TENM2: variants seen among roughly 807,000 people sequenced by gnomAD.
TENM2 encodes the protein teneurin-2.
In TENM2, 52 loss-of-function variants were observed where a neutral mutation model predicts 245.2. The observed-to-expected ratio is 0.21, with a 90% CI of 0.17 to 0.27. The LOEUF is 0.27. TENM2 is among the 10% of genes least tolerant of loss of function. The pLI is 1.00. For missense variants in TENM2, 3,046 were observed against 3,666.8 expected, an observed-to-expected ratio of 0.83 and a Z score of 4.37; for synonymous variants, 1,363 against 1,438.9, an observed-to-expected ratio of 0.95 and a Z score of 1.19.
chr5:168,109,813 C>T (rs1330449019), intron 9 of TENM2, among the ~76,000 whole-genome samples: 1 of 152,146 alleles, frequency 6.6e-6, no homozygotes, highest in Non-Finnish European at 1.5e-5. Flanking sequence ...ACCTCTCATC[C>T]CCCTAGCTTG....
chr5:167,196,417 T>C, the TENM2 span, among the ~76,000 whole-genome samples: 14 of 151,640 alleles, frequency 9.2e-5, no homozygotes, highest in Non-Finnish European at 1.6e-4. Flanking sequence ...AGTGTTATTA[T>C]TCATTAACAG....
chr5:167,734,864 A>G (rs1760693965), intron 2 of TENM2, among the ~76,000 whole-genome samples: 1 of 151,968 alleles, frequency 6.6e-6, no homozygotes, highest in Admixed American at 6.6e-5. Flanking sequence ...TCCTTCCTTC[A>G]TCTCTCTTTC....
intron 4 of TENM2, among the ~76,000 whole-genome samples, chr5:167,964,836 C>A (rs1021256602): frequency 6.6e-6 from 1 of 152,298 alleles, no homozygotes; most frequent in Admixed American, 6.5e-5. Context: ...TGGATCAAGG[C>A]TTTGGACCAT....
chr5:167,841,933 G>A (rs1447818846), intron 2 of TENM2, among the ~76,000 whole-genome samples: 1 of 151,628 alleles, frequency 6.6e-6, no homozygotes, highest in Non-Finnish European at 1.5e-5. Context: ...ATGTATATAT[G>A]TATGTATATT....
chr5:168,228,896 AT>A (rs901138979), intron 25 of TENM2, among the ~76,000 whole-genome samples: 2 of 147,080 alleles, frequency 1.4e-5, no homozygotes, highest in African/African-American at 4.9e-5. Flanking sequence ...TTTATATTAC[AT>A]TTTTATATTA....
chr5:167,462,108 C>T (rs1478623818), intron 2 of TENM2, among the ~76,000 whole-genome samples: 1 of 151,806 alleles, frequency 6.6e-6, no homozygotes. Flanking sequence ...CATACATACA[C>T]ACATGCACAA....
At chr5:167,380,609 C>G (rs1761042568) in intron 2 of TENM2, among the ~76,000 whole-genome samples, 2 of 152,048 alleles carry the variant, frequency 1.3e-5, no homozygotes, top group Admixed American at 1.3e-4. Flanking sequence ...AGGAATGGCT[C>G]CATTCAATAA....
intron 1 of TENM2, among the ~76,000 whole-genome samples, chr5:167,298,805 G>T (rs555591380): frequency 6.6e-6 from 1 of 152,334 alleles, no homozygotes; most frequent in South Asian, 2.1e-4. Flanking sequence ...GCACGAGGAG[G>T]TATCAGCTGT....
At chr5:167,085,520 G>A in the TENM2 span, among the ~76,000 whole-genome samples, 3 of 151,984 alleles carry the variant, frequency 2.0e-5, no homozygotes, top group Admixed American at 6.6e-5. Context: ...AATGTTCTTT[G>A]CATGCATTAT....
intron 27 of TENM2, among the ~76,000 whole-genome samples, chr5:168,252,620 GAT>G (rs1272337071): frequency 6.6e-6 from 1 of 151,658 alleles, no homozygotes; most frequent in African/African-American, 2.4e-5. Flanking sequence ...GAGGCGGGTG[GAT>G]CACCTGAAGC....
chr5:167,073,592 G>A, the TENM2 span, among the ~76,000 whole-genome samples: 10 of 151,892 alleles, frequency 6.6e-5, no homozygotes, highest in Non-Finnish European at 1.3e-4. Context: ...TTCTTCAGTC[G>A]CATATCTGCC....
At chr5:167,518,644 G>A (rs1770555476) in intron 2 of TENM2, among the ~76,000 whole-genome samples, 1 of 152,140 alleles carries the variant, frequency 6.6e-6, no homozygotes, top group Admixed American at 6.6e-5. Flanking sequence ...GTTCCTGGCA[G>A]TATCATTTAA....
intron 2 of TENM2, among the ~76,000 whole-genome samples, chr5:167,747,436 C>T (rs1206117368): frequency 1.3e-5 from 2 of 152,162 alleles, no homozygotes; most frequent in African/African-American, 4.8e-5. Flanking sequence ...AACATATCTT[C>T]CATTAACCTA....
At position 167,876,492 on chromosome 5, in the gene TENM2, C is replaced by T. The variant is rs186689247; in HGVS notation, c.712+297C>T. Among the ~76,000 whole-genome samples the T allele has an allele frequency of 1.1e-4, 16 of 152,228 alleles. No individual in the cohort carries two copies. In the East Asian group the frequency reaches 1.9e-3, roughly 18 times the overall value. ...TCAAAGGTGAAGTGCAGAGAGACACCGGCATATTGAATTTTGTATTACTAT... is the reference window on the plus strand; with the variant it reads ...TCAAAGGTGAAGTGCAGAGAGACACTGGCATATTGAATTTTGTATTACTAT... On this transcript the variant is annotated intron_variant, in intron 3 of 28. Coordinates refer to ENST00000518659, the Ensembl canonical transcript of TENM2.
At chr5:167,533,465 A>G (rs528895922) in intron 2 of TENM2, among the ~76,000 whole-genome samples, 86 of 152,066 alleles carry the variant, frequency 5.7e-4, no homozygotes, top group African/African-American at 2.0e-3. Flanking sequence ...TTTTTTTGAG[A>G]CAGAGTCTCA....
chr5:167,522,154 A>G (rs1243402565), intron 2 of TENM2, among the ~76,000 whole-genome samples: 3 of 152,146 alleles, frequency 2.0e-5, no homozygotes, highest in Admixed American at 6.6e-5. Context: ...CACTACTTAT[A>G]TCATGACAAG....
At chr5:167,380,942 C>T (rs1761066724) in intron 2 of TENM2, among the ~76,000 whole-genome samples, 1 of 152,044 alleles carries the variant, frequency 6.6e-6, no homozygotes, top group Admixed American at 6.6e-5. Flanking sequence ...TTAAGTTTAT[C>T]TAATAGGTGG....
chr5:167,772,717 A>AAT (rs1484454145), intron 2 of TENM2, among the ~76,000 whole-genome samples: 1 of 152,164 alleles, frequency 6.6e-6, no homozygotes, highest in Non-Finnish European at 1.5e-5. Flanking sequence ...AAGCACCTAT[A>AAT]ATAGCCAGGC....
At chr5:168,043,438 G>T (rs778291021) in intron 5 of TENM2, among the ~76,000 whole-genome samples, 1 of 152,056 alleles carries the variant, frequency 6.6e-6, no homozygotes, top group Non-Finnish European at 1.5e-5. Flanking sequence ...GAGGTATGAT[G>T]ATATCACATT....
Sources: allele counts gnomAD v4.1 joint callset (sites outside exome capture counted in the v4.1 genomes callset), GRCh38; gene constraint gnomAD v4.1.1; transcripts MANE v1.5; gene names NCBI Gene and HGNC (gene_info 2026-07-23, HGNC 2026-07-21).